LRP6: variants seen among roughly 807,000 people sequenced by gnomAD.
The protein encoded by LRP6 is low-density lipoprotein receptor-related protein 6.
A neutral mutation model predicts 184.1 loss-of-function variants in LRP6; 43 were observed. That is an observed-to-expected ratio of 0.23 (90% CI 0.18 to 0.30). LRP6 has a LOEUF of 0.30. Ranked by LOEUF, LRP6 falls within the 10% of genes least tolerant of loss-of-function variation. The pLI is 1.00. For synonymous variants in LRP6, 719 were observed against 684.9 expected (o/e 1.05, Z -0.78); for missense variants, 1,571 against 2,005.3 (o/e 0.78, Z 4.14).
At chr12:12,198,735 T>C (rs944639878) in intron 3 of LRP6, among the ~76,000 whole-genome samples, 9 of 152,136 alleles carry the variant, frequency 5.9e-5, no homozygotes, top group African/African-American at 7.2e-5. Flanking sequence ...GGTTTCACCA[T>C]GTTGGCAAGG....
At chr12:12,129,425 T>C (rs1949716360) in intron 19 of LRP6, among the ~76,000 whole-genome samples, 2 of 152,240 alleles carry the variant, frequency 1.3e-5, no homozygotes, top group Non-Finnish European at 2.9e-5. Context: ...GCAGTCCCAT[T>C]ACATGGAGTT....
chr12:12,249,911 T>C (rs1591986553), intron 1 of LRP6, among the ~76,000 whole-genome samples: 1 of 152,234 alleles, frequency 6.6e-6, no homozygotes, highest in East Asian at 1.9e-4. Context: ...GGTACACAAT[T>C]CTAACCTTAC....
intron 3 of LRP6, among the ~76,000 whole-genome samples, chr12:12,193,535 A>G (rs1863671833): frequency 1.3e-5 from 2 of 151,980 alleles, no homozygotes; most frequent in South Asian, 4.1e-4. Flanking sequence ...AACTGTGAAT[A>G]AAGTGATGAA....
rs71061030 is a variant in LRP6, at chr12:12,248,471, CTTTTTTT to C, written c.56-3823_56-3817del. Among the ~76,000 whole-genome samples, 395 of 62,738 alleles carry C rather than the reference CTTTTTTT, an allele frequency of 6.3e-3. 1 individual carries two copies. The highest frequency in any genetic ancestry group is 0.022 in the African/African-American group (375 of 17,100). The allele number at this position is 62,738 out of a possible 152,430, so 41.2% of individuals were successfully genotyped here. Reference sequence around the variant, plus strand: ...CAGTGGTCTTTTCTCAGTCTTTACTCTTTTTTTTTTTTTTTTTTTTTTTTTTTTGAGA... The same window carrying C: ...CAGTGGTCTTTTCTCAGTCTTTACTCTTTTTTTTTTTTTTTTTTTTTGAGA... On this transcript the variant is annotated intron_variant, in intron 1 of 22. Transcript: ENST00000261349.
Position 12,121,175 on chromosome 12 carries a change from G to C in LRP6, c.4793C>G (p.Ser1598Cys), listed in dbSNP as rs1317452566. 2 of 1,613,806 alleles carry C rather than the reference G, an allele frequency of 1.2e-6. No homozygotes were observed. Among genetic ancestry groups the C allele is most frequent in the African/African-American group, 1.3e-5 (1 of 74,900 alleles). Residue 1598 changes from serine to cysteine, a missense_variant, in exon 23 of 23, where the codon TCT (serine) becomes TGT (cysteine). Coordinates refer to ENST00000261349, the MANE Select transcript of LRP6 (RefSeq NM_002336.3). ...GGGTGGCGGTGGGTAGAGGTGATGA[G>C]AATAGCTCCTCTCTGTGTATGGAGA... ...PPSPYTERSY[S>C]HHLYPPPPSP...
At chr12:12,129,742 G>A (rs1227196353) in intron 19 of LRP6, among the ~76,000 whole-genome samples, 3 of 151,950 alleles carry the variant, frequency 2.0e-5, no homozygotes, top group South Asian at 2.1e-4. Flanking sequence ...TAGTAGAGAC[G>A]GGGTTTCACA....
At chr12:12,122,693 G>A (rs1459655240) in intron 22 of LRP6, among the ~76,000 whole-genome samples, 3 of 152,072 alleles carry the variant, frequency 2.0e-5, no homozygotes, top group South Asian at 2.1e-4. Flanking sequence ...CTAGCCAGGC[G>A]TGGTGACACA....
chr12:12,198,554 A>C (rs1337913903), intron 3 of LRP6, among the ~76,000 whole-genome samples: 1 of 38,020 alleles, frequency 2.6e-5, no homozygotes, highest in Admixed American at 3.5e-4. Flanking sequence ...TTTTTTTTTG[A>C]GACAGAGTTT....
intron 2 of LRP6, among the ~76,000 whole-genome samples, chr12:12,232,383 C>CAA (rs199538156): frequency 6.6e-5 from 7 of 105,590 alleles, no homozygotes; most frequent in Admixed American, 1.0e-4. Flanking sequence ...GACGCTGTCT[C>CAA]AAAAAAAAAA....
chr12:12,261,712 A>G (rs939043592), intron 1 of LRP6, among the ~76,000 whole-genome samples: 2 of 152,222 alleles, frequency 1.3e-5, no homozygotes, highest in Non-Finnish European at 2.9e-5. Context: ...TAAAGTGTAC[A>G]GAGATCACTC....
chr12:12,197,246 T>C (rs1405875051), intron 3 of LRP6, among the ~76,000 whole-genome samples: 1 of 152,210 alleles, frequency 6.6e-6, no homozygotes, highest in Non-Finnish European at 1.5e-5. Flanking sequence ...AAATAGTCTT[T>C]AACAGCCTCC....
Position 12,159,076 on chromosome 12 carries a change from C to A in LRP6, c.2544G>T (p.Thr848=). Residue 848 remains threonine (T), a synonymous_variant, in exon 12 of 23, where the codon ACG becomes ACT. Transcript: ENST00000261349. ...GCTCAATGCTGCGTCGGCTCCAGTC[C>A]GTCCAGTAGATATAATCTTGGTACT... ...LTQYQDYIYW[T]DWSRRSIERA... 1 of 1,614,088 alleles carries A rather than the reference C, an allele frequency of 6.2e-7. No individual in the cohort carries two copies. Among genetic ancestry groups the A allele is most frequent in the Non-Finnish European group, 8.5e-7 (1 of 1,180,012 alleles).
At chr12:12,205,335 A>C (rs943737836) in intron 2 of LRP6, among the ~76,000 whole-genome samples, 6 of 126,738 alleles carry the variant, frequency 4.7e-5, no homozygotes, top group Admixed American at 7.4e-5. Flanking sequence ...CAAACAAAAA[A>C]AAAAAAAAAA....
intron 2 of LRP6, among the ~76,000 whole-genome samples, chr12:12,234,105 T>C (rs751757549): frequency 1.3e-5 from 2 of 152,026 alleles, no homozygotes; most frequent in South Asian, 2.1e-4. Context: ...CTGACCAACA[T>C]GGAGAAACTC....
rs1949550150 is a variant in LRP6 at position 12,118,616 on chromosome 12, T to C, written c.*2510A>G. 6.6e-6 allele frequency: 1 copy of C among 152,236 alleles called. No homozygotes were observed. The allele number at this position is 152,236 out of a possible 1,614,324, so 9.4% of individuals were successfully genotyped here. A position where few individuals can be genotyped will look rare whatever the true frequency, so the allele number is the denominator to read the frequency against. ...TACAGCTTGTGTTTGATAATCAATA[T>C]ACAGTTTACTTAAGCTTAACTGTCC... On this transcript the variant is annotated 3_prime_UTR_variant, in exon 23 of 23. Transcript: ENST00000261349.
At chr12:12,139,100 C>G (rs1343487127) in intron 15 of LRP6, 1 of 880,220 alleles carries the variant, frequency 1.1e-6, no homozygotes, top group Non-Finnish European at 1.5e-6. Flanking sequence ...TGTGTTCATA[C>G]CCCCCACCCT....
At chr12:12,187,307 G>C (rs1346200006) in intron 3 of LRP6, 188 bp from the exon 4 acceptor site, 10 of 610,510 alleles carry the variant, frequency 1.6e-5, no homozygotes, top group Non-Finnish European at 2.6e-5. Context: ...TTTTTAAGGT[G>C]TCCAAAAGCC....
At chr12:12,175,634 T>C (rs1379653761) in intron 7 of LRP6, among the ~76,000 whole-genome samples, 2 of 151,414 alleles carry the variant, frequency 1.3e-5, no homozygotes, top group African/African-American at 4.9e-5. Flanking sequence ...TTGCATGCAG[T>C]GAGCCGAGAT....
In LRP6 at chr12:12,132,072, G is replaced by T; in HGVS notation, c.3734-15C>A. 6.4e-7 allele frequency: 1 copy of T among 1,555,072 alleles called. No homozygotes were observed. Among genetic ancestry groups the T allele is most frequent in the Non-Finnish European group, 8.9e-7 (1 of 1,126,286 alleles). ...TGTTGGAGGTTCTTCAAATGAACAA[G>T]GAGAAGGGGAGTGACAAAAACACAA... On this transcript the variant is annotated splice_polypyrimidine_tract_variant and intron_variant, in intron 17 of 22. Coordinates refer to ENST00000261349, the MANE Select transcript of LRP6 (RefSeq NM_002336.3).
Sources: allele counts gnomAD v4.1 joint callset (sites outside exome capture counted in the v4.1 genomes callset), GRCh38; gene constraint gnomAD v4.1.1; transcripts MANE v1.5; gene names NCBI Gene and HGNC (gene_info 2026-07-23, HGNC 2026-07-21).